THSD7B: variants seen among roughly 807,000 people sequenced by gnomAD.
THSD7B encodes the protein thrombospondin type 1 domain containing 7B.
In THSD7B, 138 loss-of-function variants were observed where a neutral mutation model predicts 213.6. That is an observed-to-expected ratio of 0.65 (90% CI 0.56 to 0.74). The LOEUF (loss-of-function observed/expected upper bound fraction) is 0.74. THSD7B is among the 30% of genes least tolerant of loss of function. THSD7B has a pLI of 0.00. For synonymous variants in THSD7B, 742 were observed against 687.0 expected (o/e 1.08, Z -1.25); for missense variants, 1,931 against 1,991.5 (o/e 0.97, Z 0.58).
At chr2:136,795,566 A>G (rs904501869) in intron 1 of THSD7B, among the ~76,000 whole-genome samples, 3 of 151,950 alleles carry the variant, frequency 2.0e-5, no homozygotes, top group Non-Finnish European at 2.9e-5. Context: ...TGCCTATTAC[A>G]CTAGCAAATA....
intron 7 of THSD7B, among the ~76,000 whole-genome samples, chr2:137,223,022 T>C (rs1478045180): frequency 4.6e-5 from 7 of 152,044 alleles, no homozygotes; most frequent in Admixed American, 4.6e-4. Context: ...GCAGAGAAAA[T>C]GGTTCCCTGT....
intron 17 of THSD7B, among the ~76,000 whole-genome samples, chr2:137,577,226 T>C (rs1169509225): frequency 2.0e-5 from 3 of 152,152 alleles, no homozygotes; most frequent in African/African-American, 7.2e-5. Context: ...TTTACCCCTG[T>C]GTGCAGTGAG....
chr2:136,939,135 A>G (rs1390686819), intron 2 of THSD7B, among the ~76,000 whole-genome samples: 1 of 151,884 alleles, frequency 6.6e-6, no homozygotes, highest in Non-Finnish European at 1.5e-5. Flanking sequence ...TTTTCCATCC[A>G]TTTCGTTGGC....
chr2:136,780,156 T>C (rs1681712791), intron 1 of THSD7B, among the ~76,000 whole-genome samples: 1 of 152,166 alleles, frequency 6.6e-6, no homozygotes, highest in African/African-American at 2.4e-5. Context: ...ATTTACTCTC[T>C]CACAGTTCTG....
intron 12 of THSD7B, among the ~76,000 whole-genome samples, chr2:137,398,475 C>T (rs1244084046): frequency 1.5e-4 from 23 of 151,904 alleles, no homozygotes; most frequent in Non-Finnish European, 3.1e-4. Context: ...TTAGGCTGCT[C>T]GAGGGTCAGG....
chr2:137,230,262 T>A (rs1294840684), intron 7 of THSD7B, among the ~76,000 whole-genome samples: 1 of 152,200 alleles, frequency 6.6e-6, no homozygotes, highest in Non-Finnish European at 1.5e-5. Flanking sequence ...AACTCCATTA[T>A]TTTATAGTTT....
chr2:136,859,401 C>T lies in THSD7B; in HGVS notation c.-35-22743C>T, dbSNP rs529452656. 5.9e-5 allele frequency among the ~76,000 whole-genome samples: 9 copies of T among 152,266 alleles called. No individual in the cohort carries two copies. In the South Asian group the frequency reaches 1.0e-3, roughly 18 times the overall value. On this transcript the variant is annotated intron_variant, in intron 1 of 27. Transcript: ENST00000409968. ...CTTAACTAGAATTAAAAATTCTCTTCTCGAATAATTGAATCTGGTGGAGAG... is the reference window on the plus strand; with the variant it reads ...CTTAACTAGAATTAAAAATTCTCTTTTCGAATAATTGAATCTGGTGGAGAG...
At chr2:137,320,283 T>A (rs1428563461) in intron 12 of THSD7B, among the ~76,000 whole-genome samples, 1 of 152,218 alleles carries the variant, frequency 6.6e-6, no homozygotes, top group African/African-American at 2.4e-5. Context: ...TATGTATATT[T>A]ACCATATGTA....
At chr2:137,361,360 C>G (rs993530480) in intron 12 of THSD7B, among the ~76,000 whole-genome samples, 2 of 152,138 alleles carry the variant, frequency 1.3e-5, no homozygotes, top group East Asian at 1.9e-4. Flanking sequence ...AGCAATGGAA[C>G]AAAGCTAGAT....
At chr2:136,820,101 C>G (rs561060254) in intron 1 of THSD7B, among the ~76,000 whole-genome samples, 54 of 152,266 alleles carry the variant, frequency 3.5e-4, no homozygotes, top group African/African-American at 1.3e-3. Flanking sequence ...ATACTAAATA[C>G]CTTATTATTT....
At chr2:137,320,655 G>C (rs1386279924) in intron 12 of THSD7B, among the ~76,000 whole-genome samples, 1 of 152,158 alleles carries the variant, frequency 6.6e-6, no homozygotes, top group African/African-American at 2.4e-5. Flanking sequence ...TGTATTTGCT[G>C]TCCACAGGCT....
At position 137,379,749 on chromosome 2, in the gene THSD7B, C is replaced by T. The variant is rs76235566; in HGVS notation, c.2501-25864C>T. Among the ~76,000 whole-genome samples, 1,252 of 152,228 alleles carry T rather than the reference C, an allele frequency of 8.2e-3. 15 individuals carry two copies. Among genetic ancestry groups the T allele is most frequent in the African/African-American group, 0.028 (1,158 of 41,528 alleles). On this transcript the variant is annotated intron_variant, in intron 12 of 27. Transcript: ENST00000409968. ...CTAGTATTAAAGTCAGGGGGAAGAGCTGGAGTTTGATCCTCTAATGAGGAA... is the reference window on the plus strand; with the variant it reads ...CTAGTATTAAAGTCAGGGGGAAGAGTTGGAGTTTGATCCTCTAATGAGGAA...
In THSD7B at chr2:136,780,647, T is replaced by C. The variant is rs555747675; in HGVS notation, c.-36+14960T>C. Among the ~76,000 whole-genome samples the C allele has an allele frequency of 4.6e-5, 7 of 152,332 alleles. No individual in the cohort carries two copies. In the East Asian group the frequency reaches 5.8e-4, roughly 13 times the overall value. ...ACTTCCCCCTCCCTAAATTATTCTA[T>C]AGAGTAGTGAGAATCACCTGACAAA... On this transcript the variant is annotated intron_variant, in intron 1 of 27. Coordinates refer to ENST00000409968, the MANE Select transcript of THSD7B (RefSeq NM_001316349.2).
intron 12 of THSD7B, among the ~76,000 whole-genome samples, chr2:137,352,397 A>G (rs1040450759): frequency 2.0e-5 from 3 of 152,004 alleles, no homozygotes; most frequent in Non-Finnish European, 4.4e-5. Context: ...AGGAGGGACA[A>G]AAACTTGTTC....
At chr2:137,046,453 G>T (rs887995308) in intron 2 of THSD7B, among the ~76,000 whole-genome samples, 1 of 152,052 alleles carries the variant, frequency 6.6e-6, no homozygotes, top group Non-Finnish European at 1.5e-5. Context: ...GACCCAGCGG[G>T]GTGTGGTGGC....
chr2:137,310,331 G>A (rs371553384), intron 12 of THSD7B, among the ~76,000 whole-genome samples: 4,927 of 142,080 alleles, frequency 0.035, 79 homozygotes, highest in East Asian at 0.065. Flanking sequence ...CATGTCCTTT[G>A]CCCACTTTTT....
At chr2:137,644,122 A>C (rs949661474) in intron 21 of THSD7B, among the ~76,000 whole-genome samples, 1 of 152,122 alleles carries the variant, frequency 6.6e-6, no homozygotes, top group African/African-American at 2.4e-5. Flanking sequence ...GCTAGTCTTG[A>C]AAGCCCTGAC....
chr2:137,070,959 T>A (rs988547288), intron 3 of THSD7B, among the ~76,000 whole-genome samples: 1 of 152,180 alleles, frequency 6.6e-6, no homozygotes, highest in Admixed American at 6.5e-5. Flanking sequence ...ATCCAATCTG[T>A]CGTTGTTGGA....
At chr2:137,109,806 G>T (rs949229539) in intron 4 of THSD7B, among the ~76,000 whole-genome samples, 1 of 152,094 alleles carries the variant, frequency 6.6e-6, no homozygotes, top group East Asian at 1.9e-4. Context: ...CTAACAGGCC[G>T]CTGACCAGTA....
Sources: gnomAD v4.1 joint callset for allele counts (sites outside exome capture counted in the v4.1 genomes callset) on GRCh38, gnomAD v4.1.1 for gene constraint, MANE v1.5 for transcripts, NCBI Gene and HGNC (gene_info 2026-07-23, HGNC 2026-07-21) for gene names.